The following C8orf34 variants were observed in gnomAD, a reference collection of about 807,000 sequenced individuals.
C8orf34 encodes uncharacterized protein C8orf34.
C8orf34 carries 65 observed loss-of-function variants against 68.3 expected under a neutral mutation model. The observed-to-expected ratio is 0.95, with a 90% CI of 0.78 to 1.17. The LOEUF is 1.17. C8orf34 is among the 50% of genes most tolerant of loss of function. The pLI is 0.00. For synonymous variants in C8orf34, 244 were observed against 241.2 expected (o/e 1.01, Z -0.11); for missense variants, 664 against 655.4 (o/e 1.01, Z -0.14).
intron 1 of C8orf34, among the ~76,000 whole-genome samples, chr8:68,362,595 C>T (rs1223030786): frequency 2.6e-5 from 4 of 152,240 alleles, no homozygotes; most frequent in Non-Finnish European, 5.9e-5. Context: ...CCCTGACCCC[C>T]GAGCAGCCTA....
rs1043613020 is a variant in C8orf34, at chr8:68,735,817, A to G, written c.1404+14380A>G. On this transcript the variant is annotated intron_variant, in intron 10 of 13. Coordinates refer to ENST00000518698, the MANE Select transcript of C8orf34 (RefSeq NM_052958.4). ...TTTTAATGAACATTAAATCTTAACT[A>G]TATTTGTCCTGACCCAAATTTGTAA... Among the ~76,000 whole-genome samples the G allele has an allele frequency of 2.6e-5, 4 of 152,306 alleles. No homozygotes were observed. In the East Asian group the frequency reaches 5.8e-4, roughly 22 times the overall value.
At chr8:68,475,349 T>C (rs1044444328) in intron 4 of C8orf34, among the ~76,000 whole-genome samples, 1 of 152,248 alleles carries the variant, frequency 6.6e-6, no homozygotes, top group East Asian at 1.9e-4. Context: ...TTATCTCCTC[T>C]GGACCTTGAG....
Position 68,331,122 on chromosome 8 carries a change from G to A in C8orf34, c.110G>A (p.Arg37His). The A allele has an allele frequency of 6.6e-7, 1 of 1,507,264 alleles. No homozygotes were observed. Among genetic ancestry groups the A allele is most frequent in the Non-Finnish European group, 8.8e-7 (1 of 1,134,410 alleles). 93.4% of individuals were successfully genotyped at this position (1,507,264 alleles called of 1,614,324 possible). A position where few individuals can be genotyped will look rare whatever the true frequency, so the allele number is the denominator to read the frequency against. Residue 37 changes from arginine to histidine, a missense_variant, in exon 1 of 14, where the codon CGC (arginine) becomes CAC (histidine). Arg to His is a conservative substitution (Grantham distance 29). Coordinates refer to ENST00000518698, the MANE Select transcript of C8orf34 (RefSeq NM_052958.4). Reference sequence around the variant, plus strand: ...GCTCCCCGGGCTGCCACCCACGCCCGCGGCCGGGGCCGAGCCAGCCACGCA... The same window carrying A: ...GCTCCCCGGGCTGCCACCCACGCCCACGGCCGGGGCCGAGCCAGCCACGCA... ...RVAPRAATHA[R>H]GRGRASHAGQ...
intron 8 of C8orf34, among the ~76,000 whole-genome samples, chr8:68,664,478 C>A (rs907782871): frequency 5.9e-5 from 9 of 152,284 alleles, no homozygotes; most frequent in Middle Eastern, 3.4e-3. Flanking sequence ...TACATCCATT[C>A]TATTTTTCAC....
At chr8:68,767,069 C>T (rs1289897003) in intron 10 of C8orf34, among the ~76,000 whole-genome samples, 1 of 152,102 alleles carries the variant, frequency 6.6e-6, no homozygotes, top group Non-Finnish European at 1.5e-5. Flanking sequence ...TGGCATGTGC[C>T]TGTAATCCCA....
Position 68,787,735 on chromosome 8 carries a change from T to G in C8orf34, c.1549+199T>G, listed in dbSNP as rs188566901. The G allele has an allele frequency of 3.6e-5, 13 of 357,388 alleles. No individual in the cohort carries two copies. The Admixed American group carries it at 5.5e-4, about 15-fold the overall frequency. The allele number at this position is 357,388 out of a possible 1,614,324, so 22.1% of individuals were successfully genotyped here. ...AACATCTTAATTATGGTACAGAGAC[T>G]CATAGACTAACTTTCTAGAAAAAAA... On this transcript the variant is annotated intron_variant, in intron 12 of 13. Transcript: ENST00000518698.
intron 10 of C8orf34, among the ~76,000 whole-genome samples, chr8:68,762,912 G>C (rs1005818292): frequency 6.6e-6 from 1 of 152,184 alleles, no homozygotes; most frequent in African/African-American, 2.4e-5. Flanking sequence ...TTGCATCAAA[G>C]AGACTAGGAA....
At chr8:68,807,167 A>T (rs1047280681) in intron 12 of C8orf34, among the ~76,000 whole-genome samples, 2 of 152,224 alleles carry the variant, frequency 1.3e-5, no homozygotes, top group Admixed American at 6.5e-5. Context: ...GGAAACTCAC[A>T]GCACCACTTC....
intron 7 of C8orf34, among the ~76,000 whole-genome samples, chr8:68,581,188 T>C (rs971315051): frequency 2.0e-5 from 3 of 152,158 alleles, no homozygotes; most frequent in Non-Finnish European, 4.4e-5. Flanking sequence ...CAAGTTTTGA[T>C]GAAATGGCGA....
At chr8:68,604,793 T>C (rs1392624162) in intron 7 of C8orf34, among the ~76,000 whole-genome samples, 8 of 152,080 alleles carry the variant, frequency 5.3e-5, no homozygotes, top group African/African-American at 1.9e-4. Context: ...CACCTCGAGT[T>C]TGGTGATAAC....
At chr8:68,601,924 C>T (rs984738957) in intron 7 of C8orf34, among the ~76,000 whole-genome samples, 3 of 152,122 alleles carry the variant, frequency 2.0e-5, no homozygotes, top group Admixed American at 6.6e-5. Flanking sequence ...TGTGGATGTT[C>T]CATTTCCCAC....
chr8:68,796,143 T>C (rs1384850820), intron 12 of C8orf34, among the ~76,000 whole-genome samples: 1 of 152,208 alleles, frequency 6.6e-6, no homozygotes, highest in Non-Finnish European at 1.5e-5. Context: ...AGAAGTGTAT[T>C]GACATACGGC....
chr8:68,731,032 T>A (rs1821963111), intron 10 of C8orf34, among the ~76,000 whole-genome samples: 1 of 152,206 alleles, frequency 6.6e-6, no homozygotes. Context: ...ATGGATTATG[T>A]TTGTGTTTCG....
chr8:68,430,705 G>A (rs1183769988), intron 1 of C8orf34, among the ~76,000 whole-genome samples: 2 of 152,082 alleles, frequency 1.3e-5, no homozygotes, highest in Non-Finnish European at 1.5e-5. Flanking sequence ...TGTGAATGAG[G>A]AAGGGCATGC....
At chr8:68,804,967 T>C (rs1824440656) in intron 12 of C8orf34, among the ~76,000 whole-genome samples, 1 of 152,314 alleles carries the variant, frequency 6.6e-6, no homozygotes, top group East Asian at 1.9e-4. Flanking sequence ...ATTCTGTTGA[T>C]ATAGACCACA....
chr8:68,542,354 A>G (rs533541454), intron 7 of C8orf34, among the ~76,000 whole-genome samples: 355 of 152,368 alleles, frequency 2.3e-3, no homozygotes, highest in Non-Finnish European at 4.1e-3. Context: ...AAATATATCA[A>G]GAGATGTCAG....
chr8:68,395,987 G>T (rs931785724), intron 1 of C8orf34, among the ~76,000 whole-genome samples: 1 of 151,976 alleles, frequency 6.6e-6, no homozygotes, highest in Non-Finnish European at 1.5e-5. Flanking sequence ...TATTCCTAAG[G>T]AGGCAGTAGA....
intron 5 of C8orf34, among the ~76,000 whole-genome samples, chr8:68,502,564 G>C (rs1000385128): frequency 6.6e-6 from 1 of 152,132 alleles, no homozygotes; most frequent in African/African-American, 2.4e-5. Flanking sequence ...TTTTGGGGGA[G>C]GTTAGGGGAC....
chr8:68,774,944 T>TAA (rs1224756627), intron 10 of C8orf34, among the ~76,000 whole-genome samples: 3,201 of 44,632 alleles, frequency 0.072, 413 homozygotes, highest in African/African-American at 0.15. Flanking sequence ...CTGTCTCCAC[T>TAA]AAAAAAAAAA....
Sources: allele counts gnomAD v4.1 joint callset (sites outside exome capture counted in the v4.1 genomes callset), GRCh38; gene constraint gnomAD v4.1.1; transcripts MANE v1.5; gene names NCBI Gene and HGNC (gene_info 2026-07-23, HGNC 2026-07-21).